Variants in TENM2 observed in about 807,000 individuals in gnomAD.
TENM2 encodes the protein teneurin transmembrane protein 2, also known as teneurin-2.
A neutral mutation model predicts 245.2 loss-of-function variants in TENM2; 52 were observed. The ratio of observed to expected loss-of-function variants is 0.21; its 90% CI spans 0.17 to 0.27. TENM2 has a LOEUF of 0.27. TENM2 is among the 10% of genes least tolerant of loss of function. The pLI is 1.00. For missense variants in TENM2, 3,046 were observed against 3,666.8 expected (o/e 0.83, Z 4.37); for synonymous variants, 1,363 against 1,438.9 (o/e 0.95, Z 1.19).
chr5:168,164,350 T>A (rs1758019674), intron 13 of TENM2, among the ~76,000 whole-genome samples: 1 of 152,246 alleles, frequency 6.6e-6, no homozygotes, highest in Admixed American at 6.5e-5. Context: ...TTGTTAGCCA[T>A]AGATACTATG....
At chr5:167,675,731 A>G (rs1756274408) in intron 2 of TENM2, among the ~76,000 whole-genome samples, 1 of 152,068 alleles carries the variant, frequency 6.6e-6, no homozygotes, top group Non-Finnish European at 1.5e-5. Flanking sequence ...AAATAATAGT[A>G]CCTAGCTCAA....
chr5:168,139,085 T>C (rs1290641003), intron 12 of TENM2, among the ~76,000 whole-genome samples: 2 of 152,228 alleles, frequency 1.3e-5, no homozygotes, highest in Non-Finnish European at 2.9e-5. Context: ...AGGAGGTCAA[T>C]ATAAGGATGG....
At chr5:167,998,159 T>G (rs1784189957) in intron 5 of TENM2, among the ~76,000 whole-genome samples, 1 of 152,222 alleles carries the variant, frequency 6.6e-6, no homozygotes, top group Non-Finnish European at 1.5e-5. Flanking sequence ...AATCCATGGA[T>G]AGAGTGGAAT....
At chr5:167,525,653 T>A (rs1229462173) in intron 2 of TENM2, among the ~76,000 whole-genome samples, 1 of 152,150 alleles carries the variant, frequency 6.6e-6, no homozygotes, top group Non-Finnish European at 1.5e-5. Flanking sequence ...TAATCTTTCT[T>A]CCATTTCTAT....
intron 7 of TENM2, among the ~76,000 whole-genome samples, chr5:168,067,365 A>T (rs563937628): frequency 6.6e-6 from 1 of 152,322 alleles, no homozygotes; most frequent in East Asian, 1.9e-4. Context: ...AGGGAGGAAC[A>T]GTTTAAGAGA....
intron 5 of TENM2, among the ~76,000 whole-genome samples, chr5:168,005,008 C>T (rs1784713865): frequency 6.6e-6 from 1 of 152,132 alleles, no homozygotes; most frequent in African/African-American, 2.4e-5. Flanking sequence ...AAAGGTGCTG[C>T]CTAAGGTCTC....
chr5:167,592,383 C>A (rs1209558207), intron 2 of TENM2, among the ~76,000 whole-genome samples: 1 of 152,022 alleles, frequency 6.6e-6, no homozygotes, highest in African/African-American at 2.4e-5. Flanking sequence ...GTTGGTAAAC[C>A]CCTTTATTAC....
chr5:167,519,327 G>A (rs2127579869), intron 2 of TENM2, among the ~76,000 whole-genome samples: 1 of 152,178 alleles, frequency 6.6e-6, no homozygotes, highest in Non-Finnish European at 1.5e-5. Context: ...GTCACTAAAT[G>A]TGTGTCGACC....
chr5:166,979,191 CCACCAGCAGCAG>C, the TENM2 span, among the ~76,000 whole-genome samples: 18 of 85,270 alleles, frequency 2.1e-4, no homozygotes, highest in African/African-American at 1.0e-3. Flanking sequence ...AGCAGCACCA[CCACCAGCAGCAG>C]CAGCAGCAGC....
chr5:167,956,786 G>A lies in TENM2; in HGVS notation c.947+3964G>A, dbSNP rs141969750. Reference sequence around the variant, plus strand: ...TGATTAATTACATTTATTGATTTGCGTATGTTGAACCAGCCTTGCATCCCA... The same window carrying A: ...TGATTAATTACATTTATTGATTTGCATATGTTGAACCAGCCTTGCATCCCA... On this transcript the variant is annotated intron_variant, in intron 4 of 28. Transcript: ENST00000518659. Among the ~76,000 whole-genome samples the A allele has an allele frequency of 4.1e-3, 624 of 152,182 alleles. 20 individuals carry two copies. The East Asian group carries it at 0.095, about 23-fold the overall frequency.
At chr5:168,226,891 G>A (rs1250130147) in intron 24 of TENM2, among the ~76,000 whole-genome samples, 1 of 152,232 alleles carries the variant, frequency 6.6e-6, no homozygotes, top group Non-Finnish European at 1.5e-5. Flanking sequence ...TATAATGTCG[G>A]TGGGCTAGCC....
intron 5 of TENM2, among the ~76,000 whole-genome samples, chr5:168,009,999 G>A (rs1356604859): frequency 2.0e-5 from 3 of 152,184 alleles, no homozygotes; most frequent in Non-Finnish European, 2.9e-5. Context: ...AGGCAATACC[G>A]TGATACTGTG....
chr5:168,092,543 A>G (rs1454437082), intron 8 of TENM2, among the ~76,000 whole-genome samples: 1 of 152,218 alleles, frequency 6.6e-6, no homozygotes, highest in Non-Finnish European at 1.5e-5. Context: ...GTCATGTCAT[A>G]AACTTTGTAT....
intron 7 of TENM2, among the ~76,000 whole-genome samples, chr5:168,070,781 CAGAA>C (rs201693549): frequency 9.4e-5 from 11 of 116,512 alleles, no homozygotes; most frequent in Admixed American, 6.7e-4. Flanking sequence ...GAGATCCTGT[CAGAA>C]AGAAAGAAAG....
chr5:168,211,663 A>G, intron 19 of TENM2, 71 bp from the exon 22 acceptor site: 2 of 1,017,068 alleles, frequency 2.0e-6, no homozygotes, highest in Non-Finnish European at 2.9e-6. Context: ...CAAAAATGTT[A>G]TGTTTGCTTT....
intron 4 of TENM2, among the ~76,000 whole-genome samples, chr5:167,981,870 A>G (rs1192891504): frequency 1.3e-5 from 2 of 151,302 alleles, no homozygotes; most frequent in Non-Finnish European, 2.9e-5. Flanking sequence ...GCTACTAGGG[A>G]GGCTGAGGCA....
In TENM2 at chr5:168,124,493, C is replaced by T. The variant is rs144187404; in HGVS notation, c.2009-357C>T. 4.6e-5 allele frequency among the ~76,000 whole-genome samples: 7 copies of T among 152,302 alleles called. No homozygotes were observed. In the East Asian group the frequency reaches 5.8e-4, roughly 13 times the overall value. ...ACATGGCATATATTCACATTCCTAT[C>T]GCAGATGCTCTGATATGATTCAGTC... On this transcript the variant is annotated intron_variant, in intron 10 of 28. Coordinates refer to ENST00000518659, the Ensembl canonical transcript of TENM2.
intron 1 of TENM2, among the ~76,000 whole-genome samples, chr5:167,344,305 C>T (rs1340607697): frequency 1.3e-4 from 13 of 98,294 alleles, no homozygotes; most frequent in African/African-American, 4.4e-4. Flanking sequence ...CACACACACA[C>T]ACACATATAT....
At chr5:168,111,684 T>C (rs1794680513) in intron 9 of TENM2, among the ~76,000 whole-genome samples, 1 of 152,066 alleles carries the variant, frequency 6.6e-6, no homozygotes, top group Non-Finnish European at 1.5e-5. Context: ...ACAAATCATC[T>C]CCCTGAAAAC....
Sources: allele counts gnomAD v4.1 joint callset (sites outside exome capture counted in the v4.1 genomes callset), GRCh38; gene constraint gnomAD v4.1.1; transcripts MANE v1.5; gene names NCBI Gene and HGNC (gene_info 2026-07-23, HGNC 2026-07-21).